The following SLC24A2 variants were observed in gnomAD, a reference collection of about 807,000 sequenced individuals.
The protein encoded by SLC24A2 is sodium/potassium/calcium exchanger 2.
A neutral mutation model predicts 62.0 loss-of-function variants in SLC24A2; 36 were observed. The ratio of observed to expected loss-of-function variants is 0.58; its 90% CI spans 0.44 to 0.77. The LOEUF (loss-of-function observed/expected upper bound fraction) is 0.77, where lower values mean the gene tolerates loss of function less well. Ranked by LOEUF, SLC24A2 falls within the 30% of genes least tolerant of loss-of-function variation. The pLI is 0.00. For synonymous variants in SLC24A2, 358 were observed against 294.0 expected (o/e 1.22, Z -2.23); for missense variants, 846 against 817.9 (o/e 1.03, Z -0.42).
chr9:20,217,350 G>C, the SLC24A2 span, among the ~76,000 whole-genome samples: 1 of 152,210 alleles, frequency 6.6e-6, no homozygotes, highest in East Asian at 1.9e-4. Context: ...AAGGAGGGTA[G>C]TGGCACTTCT....
the SLC24A2 span, among the ~76,000 whole-genome samples, chr9:20,283,675 C>T: frequency 2.1e-5 from 3 of 143,120 alleles, no homozygotes; most frequent in African/African-American, 7.8e-5. Context: ...GACGTTAGAA[C>T]AGGAAAGAAA....
intron 2 of SLC24A2, among the ~76,000 whole-genome samples, chr9:19,737,440 G>A (rs1821542640): frequency 6.6e-6 from 1 of 152,074 alleles, no homozygotes; most frequent in South Asian, 2.1e-4. Context: ...TAAAACAAAG[G>A]CATGAATAAC....
At chr9:20,213,258 A>G in the SLC24A2 span, among the ~76,000 whole-genome samples, 1 of 151,946 alleles carries the variant, frequency 6.6e-6, no homozygotes. Flanking sequence ...CATTTAAAGA[A>G]AAAGTAAAAA....
the SLC24A2 span, among the ~76,000 whole-genome samples, chr9:20,224,339 G>T: frequency 6.6e-6 from 1 of 151,736 alleles, no homozygotes; most frequent in Non-Finnish European, 1.5e-5. Flanking sequence ...CCACAAACAC[G>T]ATGAGTTGCC....
chr9:20,219,803 T>C, the SLC24A2 span, among the ~76,000 whole-genome samples: 5 of 152,208 alleles, frequency 3.3e-5, no homozygotes, highest in Non-Finnish European at 5.9e-5. Context: ...GTACCACAAT[T>C]AGCCTTGTGA....
the SLC24A2 span, among the ~76,000 whole-genome samples, chr9:20,114,257 G>A: frequency 1.3e-5 from 2 of 152,132 alleles, no homozygotes; most frequent in Non-Finnish European, 2.9e-5. Context: ...GGGGACAGAT[G>A]AAATAATTCA....
chr9:19,823,329 A>C, the SLC24A2 span, among the ~76,000 whole-genome samples: 1 of 149,860 alleles, frequency 6.7e-6, no homozygotes, highest in African/African-American at 2.5e-5. Flanking sequence ...GTGTGTGTGT[A>C]TTCACAAACA....
upstream of SLC24A2, among the ~76,000 whole-genome samples, chr9:19,791,409 G>A (rs1480541343): frequency 6.6e-6 from 1 of 152,188 alleles, no homozygotes; most frequent in Non-Finnish European, 1.5e-5. Flanking sequence ...TTTCAACTGA[G>A]CACATAGTCA....
In SLC24A2 at chr9:19,515,115, C is replaced by T. The variant is rs1323209738; in HGVS notation, c.*1038G>A. 1 of 152,144 alleles carries T rather than the reference C, an allele frequency of 6.6e-6. No homozygotes were observed. The highest frequency in any genetic ancestry group is 1.5e-5 in the Non-Finnish European group (1 of 68,024). The allele number at this position is 152,144 out of a possible 1,614,324, so 9.4% of individuals were successfully genotyped here. A position where few individuals can be genotyped will look rare whatever the true frequency, so the allele number is the denominator to read the frequency against. ...GACAATCACAGCTAAACTTACCCCT[C>T]TTCTTTTGATGATAATGGGACATGC... On this transcript the variant is annotated 3_prime_UTR_variant, in exon 11 of 11. Coordinates refer to ENST00000341998, the MANE Select transcript of SLC24A2 (RefSeq NM_020344.4).
chr9:19,867,292 G>T, the SLC24A2 span, among the ~76,000 whole-genome samples: 1 of 152,130 alleles, frequency 6.6e-6, no homozygotes, highest in Non-Finnish European at 1.5e-5. Flanking sequence ...GAATTCATCA[G>T]TGAAACAATC....
At chr9:20,089,816 C>T in the SLC24A2 span, among the ~76,000 whole-genome samples, 1 of 151,914 alleles carries the variant, frequency 6.6e-6, no homozygotes, top group Non-Finnish European at 1.5e-5. Context: ...TACCACAGAA[C>T]ACCACAGCAC....
At chr9:20,164,386 C>T in the SLC24A2 span, among the ~76,000 whole-genome samples, 1 of 152,162 alleles carries the variant, frequency 6.6e-6, no homozygotes, top group African/African-American at 2.4e-5. Flanking sequence ...TGAAAAAATG[C>T]TTACCATCAC....
intron 2 of SLC24A2, among the ~76,000 whole-genome samples, chr9:19,622,574 C>G (rs755997816): frequency 1.6e-4 from 25 of 152,096 alleles, no homozygotes; most frequent in Non-Finnish European, 3.1e-4. Context: ...TCAACTGTGG[C>G]CCAGCCATGC....
At chr9:20,178,818 T>C in the SLC24A2 span, among the ~76,000 whole-genome samples, 3 of 152,152 alleles carry the variant, frequency 2.0e-5, no homozygotes, top group Non-Finnish European at 4.4e-5. Context: ...CTCCAACATA[T>C]TGATACATTT....
chr9:19,827,145 AAC>A, the SLC24A2 span, among the ~76,000 whole-genome samples: 2 of 152,164 alleles, frequency 1.3e-5, no homozygotes, highest in African/African-American at 2.4e-5. Flanking sequence ...GAGGGACACT[AAC>A]ACACACACAA....
chr9:19,751,811 G>C (rs1052553291), intron 2 of SLC24A2, among the ~76,000 whole-genome samples: 2 of 152,168 alleles, frequency 1.3e-5, no homozygotes, highest in Non-Finnish European at 2.9e-5. Flanking sequence ...ATCAGACGTA[G>C]GAAGGGTGGT....
At chr9:19,570,866 T>C (rs1835817380) in intron 7 of SLC24A2, among the ~76,000 whole-genome samples, 1 of 152,174 alleles carries the variant, frequency 6.6e-6, no homozygotes. Context: ...GTCACCTGAT[T>C]GCTCTTGAGG....
At chr9:19,636,315 T>TTTCCTTTCCC (rs1554690361) in intron 2 of SLC24A2, among the ~76,000 whole-genome samples, 2 of 40,328 alleles carry the variant, frequency 5.0e-5, no homozygotes, top group African/African-American at 2.3e-4. Flanking sequence ...TTTTCTTTTC[T>TTTCCTTTCCC]TTTCTTTCTT....
At chr9:20,054,488 G>T in the SLC24A2 span, among the ~76,000 whole-genome samples, 2 of 152,280 alleles carry the variant, frequency 1.3e-5, no homozygotes, top group South Asian at 4.2e-4. Context: ...CACTGCACCT[G>T]GTCATTTAGT....
Sources: gnomAD v4.1 joint callset for allele counts (sites outside exome capture counted in the v4.1 genomes callset) on GRCh38, gnomAD v4.1.1 for gene constraint, MANE v1.5 for transcripts, NCBI Gene and HGNC (gene_info 2026-07-23, HGNC 2026-07-21) for gene names.